Variants in CA10 observed in about 807,000 individuals in gnomAD.
CA10 encodes carbonic anhydrase-related protein 10.
Under a neutral mutation model 44.2 loss-of-function variants are expected in CA10, and 14 were observed. The ratio of observed to expected loss-of-function variants is 0.32; its 90% CI spans 0.21 to 0.50. The LOEUF (loss-of-function observed/expected upper bound fraction) is 0.50, where lower values mean the gene tolerates loss of function less well. Ranked by LOEUF, CA10 falls within the 20% of genes least tolerant of loss-of-function variation. CA10 has a pLI of 0.99. For missense variants in CA10, 350 were observed against 409.7 expected (o/e 0.85, Z 1.26); for synonymous variants, 159 against 141.6 (o/e 1.12, Z -0.87).
intron 1 of CA10, among the ~76,000 whole-genome samples, chr17:52,125,971 A>G (rs527504554): frequency 1.8e-4 from 27 of 152,154 alleles, no homozygotes; most frequent in Non-Finnish European, 3.4e-4. Context: ...CTATTTACAG[A>G]ATACTTTCTA....
At chr17:51,895,378 T>C (rs1247466095) in intron 3 of CA10, among the ~76,000 whole-genome samples, 1 of 152,056 alleles carries the variant, frequency 6.6e-6, no homozygotes. Flanking sequence ...CATTAAAGTA[T>C]GGGGCAGAGG....
chr17:51,981,376 G>C (rs1366707368), intron 2 of CA10, among the ~76,000 whole-genome samples: 1 of 151,982 alleles, frequency 6.6e-6, no homozygotes, highest in Non-Finnish European at 1.5e-5. Flanking sequence ...CATGCAACAT[G>C]CGTGAATCTC....
chr17:52,115,429 T>C (rs998402569), intron 1 of CA10, among the ~76,000 whole-genome samples: 8 of 152,260 alleles, frequency 5.3e-5, no homozygotes, highest in Middle Eastern at 3.4e-3. Context: ...TTTTGGAGCC[T>C]TCTTGTTCTC....
At chr17:51,849,233 GTATATA>G (rs1217693250) in intron 3 of CA10, among the ~76,000 whole-genome samples, 2,027 of 39,892 alleles carry the variant, frequency 0.051, 62 homozygotes, top group Non-Finnish European at 0.058. Flanking sequence ...ATATGTGTGT[GTATATA>G]TATATATATA....
intron 2 of CA10, among the ~76,000 whole-genome samples, chr17:52,030,312 C>T (rs145228504): frequency 4.6e-5 from 7 of 151,942 alleles, no homozygotes; most frequent in South Asian, 2.1e-4. Flanking sequence ...TCTCTCTTAA[C>T]GATGAGTTGC....
chr17:52,003,270 C>A (rs1461947256), intron 2 of CA10, among the ~76,000 whole-genome samples: 3 of 151,908 alleles, frequency 2.0e-5, no homozygotes, highest in African/African-American at 7.2e-5. Flanking sequence ...TTCCCTCACC[C>A]CTTTTTCACT....
At position 51,631,163 on chromosome 17, in the gene CA10, T is replaced by C. The variant is rs1418567260; in HGVS notation, c.*421A>G. Reference sequence around the variant, plus strand: ...TTTTCTCCTCTCTCTTTTGGAAGAATTTTGTATGTACAAAGGCTGAAAAGT... The same window carrying C: ...TTTTCTCCTCTCTCTTTTGGAAGAACTTTGTATGTACAAAGGCTGAAAAGT... On this transcript the variant is annotated 3_prime_UTR_variant, in exon 9 of 9. Transcript: ENST00000451037. 5.7e-6 allele frequency: 1 copy of C among 175,430 alleles called. No homozygotes were observed. Among genetic ancestry groups the C allele is most frequent in the African/African-American group, 2.4e-5 (1 of 41,832 alleles). The allele number at this position is 175,430 out of a possible 1,614,324, so 10.9% of individuals were successfully genotyped here.
intron 4 of CA10, among the ~76,000 whole-genome samples, chr17:51,686,033 T>A (rs753165210): frequency 2.7e-5 from 4 of 148,894 alleles, no homozygotes; most frequent in Non-Finnish European, 5.9e-5. Flanking sequence ...TGAATTGTAA[T>A]AATCCCCATG....
At position 51,775,546 on chromosome 17, in the gene CA10, T is replaced by C. The variant is rs1003440768; in HGVS notation, c.280-27728A>G. ...ATAGCAAAGCTGTTCTTTTATTTAT[T>C]CCACACATATTTATTGTGTATCTAC... On this transcript the variant is annotated intron_variant, in intron 3 of 8. Transcript: ENST00000451037. Among the ~76,000 whole-genome samples the C allele has an allele frequency of 1.4e-4, 22 of 152,330 alleles. No individual in the cohort carries two copies. The South Asian group carries it at 1.7e-3, about 11-fold the overall frequency.
At chr17:51,907,112 G>A (rs1180432397) in intron 3 of CA10, among the ~76,000 whole-genome samples, 2 of 152,054 alleles carry the variant, frequency 1.3e-5, no homozygotes, top group African/African-American at 2.4e-5. Flanking sequence ...TAGCCTATGT[G>A]GCTCTTGACA....
At chr17:51,777,436 G>A (rs1372733892) in intron 3 of CA10, among the ~76,000 whole-genome samples, 1 of 152,156 alleles carries the variant, frequency 6.6e-6, no homozygotes, top group Non-Finnish European at 1.5e-5. Context: ...CATATATGGA[G>A]GGCCGATTTT....
rs776514438 is a variant in CA10 at position 52,152,235 on chromosome 17, C to T, written c.61+5491G>A. 1.0e-3 allele frequency among the ~76,000 whole-genome samples: 154 copies of T among 152,148 alleles called. 1 individual carries two copies. The highest frequency in any genetic ancestry group is 1.7e-3 in the Non-Finnish European group (113 of 67,924). On this transcript the variant is annotated intron_variant, in intron 1 of 8. Transcript: ENST00000451037. ...TCCAAAGAAATGTTAGAATTTCAAA[C>T]AAATTTTAACAAAGAATCCATTGAA...
At position 52,014,506 on chromosome 17, in the gene CA10, A is replaced by C. The variant is rs1435847267; in HGVS notation, c.136+57813T>G. ...TAAAATACCAAAATGTGAAAAGAAA[A>C]GTTATAAAATTTAGAGAGAAGTATA... On this transcript the variant is annotated intron_variant, in intron 2 of 8. Coordinates refer to ENST00000451037, the MANE Select transcript of CA10 (RefSeq NM_020178.5). 2.6e-5 allele frequency among the ~76,000 whole-genome samples: 4 copies of C among 152,062 alleles called. No individual in the cohort carries two copies. In the East Asian group the frequency reaches 7.7e-4, roughly 29 times the overall value.
intron 1 of CA10, among the ~76,000 whole-genome samples, chr17:52,098,047 C>G (rs916518422): frequency 6.6e-6 from 1 of 152,106 alleles, no homozygotes; most frequent in Non-Finnish European, 1.5e-5. Flanking sequence ...ACACCAGGAC[C>G]TTATGCCTGT....
At chr17:51,883,516 T>C (rs1393063896) in intron 3 of CA10, among the ~76,000 whole-genome samples, 1 of 152,220 alleles carries the variant, frequency 6.6e-6, no homozygotes, top group African/African-American at 2.4e-5. Context: ...AGGCCACTAA[T>C]GAATGGCCTC....
chr17:51,846,358 T>TC (rs1978492640), intron 3 of CA10, among the ~76,000 whole-genome samples: 1 of 152,214 alleles, frequency 6.6e-6, no homozygotes, highest in Non-Finnish European at 1.5e-5. Flanking sequence ...CTTGGGTGAA[T>TC]AGACAAGCTC....
intron 4 of CA10, among the ~76,000 whole-genome samples, chr17:51,706,119 C>T (rs1915755518): frequency 1.3e-5 from 2 of 152,136 alleles, no homozygotes; most frequent in African/African-American, 4.8e-5. Context: ...CCTCAATTTC[C>T]TTATTTATGG....
intron 1 of CA10, among the ~76,000 whole-genome samples, chr17:52,075,127 TCAAA>T (rs1193991100): frequency 6.6e-6 from 1 of 152,082 alleles, no homozygotes; most frequent in Non-Finnish European, 1.5e-5. Context: ...ATACATAATT[TCAAA>T]AGGAAAAACA....
chr17:52,054,687 C>T (rs780007423), intron 2 of CA10, among the ~76,000 whole-genome samples: 1 of 151,972 alleles, frequency 6.6e-6, no homozygotes, highest in African/African-American at 2.4e-5. Context: ...CTCTTTTGTA[C>T]TCTTTCCCTT....
Sources: gnomAD v4.1 joint callset for allele counts (sites outside exome capture counted in the v4.1 genomes callset) on GRCh38, gnomAD v4.1.1 for gene constraint, MANE v1.5 for transcripts, NCBI Gene and HGNC (gene_info 2026-07-23, HGNC 2026-07-21) for gene names.